ARID1B: variants seen among roughly 807,000 people sequenced by gnomAD.
ARID1B encodes the protein AT-rich interaction domain 1B, also known as AT-rich interactive domain-containing protein 1B.
Under a neutral mutation model 212.3 loss-of-function variants are expected in ARID1B, and 30 were observed. The observed-to-expected ratio is 0.14, with a 90% CI of 0.11 to 0.19. ARID1B has a LOEUF of 0.19. Ranked by LOEUF, ARID1B falls within the 10% of genes least tolerant of loss-of-function variation. The probability of loss-of-function intolerance (pLI) is 1.00; values close to 1 mark genes in which losing one functional copy is unlikely to be tolerated. For synonymous variants in ARID1B, 1,402 were observed against 1,301.7 expected (o/e 1.08, Z -1.66); for missense variants, 2,891 against 3,204.0 (o/e 0.90, Z 2.36).
chr6:156,997,645 T>C (rs1778669752), intron 4 of ARID1B, among the ~76,000 whole-genome samples: 6 of 150,870 alleles, frequency 4.0e-5, no homozygotes, highest in Admixed American at 3.3e-4. Context: ...ATTTAAACAC[T>C]TGCATTTTAA....
At chr6:156,786,492 T>C (rs1779640486) in intron 1 of ARID1B, among the ~76,000 whole-genome samples, 1 of 152,216 alleles carries the variant, frequency 6.6e-6, no homozygotes, top group Admixed American at 6.5e-5. Flanking sequence ...TTGGTTTGTG[T>C]AAGGTATTGG....
chr6:156,799,464 G>A (rs1360329911), intron 1 of ARID1B, among the ~76,000 whole-genome samples: 3 of 152,162 alleles, frequency 2.0e-5, no homozygotes, highest in African/African-American at 7.2e-5. Context: ...TTGCTTGCTT[G>A]CGCATTCACA....
chr6:156,852,967 G>A (rs1039725075), intron 2 of ARID1B, among the ~76,000 whole-genome samples: 2 of 152,206 alleles, frequency 1.3e-5, no homozygotes, highest in Middle Eastern at 3.2e-3. Context: ...AAGTGGAGTA[G>A]CCTGTTATAA....
At chr6:156,899,256 A>T (rs184678987) in intron 2 of ARID1B, among the ~76,000 whole-genome samples, 8 of 152,286 alleles carry the variant, frequency 5.3e-5, no homozygotes, top group African/African-American at 1.9e-4. Flanking sequence ...AATTGGACTT[A>T]GAGTCCATGT....
chr6:157,034,261 C>A (rs1431541384), intron 4 of ARID1B, among the ~76,000 whole-genome samples: 1 of 152,134 alleles, frequency 6.6e-6, no homozygotes, highest in Non-Finnish European at 1.5e-5. Flanking sequence ...CAAAACATTG[C>A]ATTTAATAAA....
At chr6:157,066,738 CA>C (rs1055886817) in intron 4 of ARID1B, among the ~76,000 whole-genome samples, 2 of 151,968 alleles carry the variant, frequency 1.3e-5, no homozygotes, top group Non-Finnish European at 2.9e-5. Context: ...TCCATCAAAG[CA>C]AAAATAATAC....
intron 6 of ARID1B, among the ~76,000 whole-genome samples, chr6:157,120,634 C>A (rs923575558): frequency 6.6e-6 from 1 of 152,136 alleles, no homozygotes; most frequent in African/African-American, 2.4e-5. Context: ...AAGAGAAATG[C>A]CTCTGCCTGT....
chr6:156,777,643 C>G lies in ARID1B; in HGVS notation c.-38C>G, dbSNP rs942107336. On this transcript the variant is annotated 5_prime_UTR_variant, in exon 1 of 20. Coordinates refer to ENST00000636930, the MANE Select transcript of ARID1B (RefSeq NM_001374828.1). Reference sequence around the variant, plus strand: ...CTGAAAAGTGGGGGTTATTGTCTCCCCCCGCCCCCCGCCCGGCCTCGCCAC... The same window carrying G: ...CTGAAAAGTGGGGGTTATTGTCTCCGCCCGCCCCCCGCCCGGCCTCGCCAC... 1 of 149,170 alleles carries G rather than the reference C, an allele frequency of 6.7e-6. No individual in the cohort carries two copies. The highest frequency in any genetic ancestry group is 2.0e-4 in the South Asian group (1 of 4,888). 9.2% of individuals were successfully genotyped at this position (149,170 alleles called of 1,614,324 possible). A position where few individuals can be genotyped will look rare whatever the true frequency, so the allele number is the denominator to read the frequency against.
At chr6:157,029,279 A>C (rs756570662) in intron 4 of ARID1B, among the ~76,000 whole-genome samples, 3 of 152,236 alleles carry the variant, frequency 2.0e-5, no homozygotes, top group Non-Finnish European at 4.4e-5. Context: ...TTATATAGTT[A>C]TATTAGGTAG....
At chr6:157,031,148 A>G (rs919097182) in intron 4 of ARID1B, among the ~76,000 whole-genome samples, 13 of 152,208 alleles carry the variant, frequency 8.5e-5, no homozygotes, top group Admixed American at 1.3e-4. Context: ...ACACGGAACA[A>G]CTTCTTTGTT....
chr6:157,109,703 A>G (rs1786760969), intron 5 of ARID1B, among the ~76,000 whole-genome samples: 3 of 152,214 alleles, frequency 2.0e-5, no homozygotes, highest in Non-Finnish European at 4.4e-5. Flanking sequence ...TTTTATCAGT[A>G]TAGTAAGAAG....
At chr6:156,934,698 T>A (rs745738922) in intron 3 of ARID1B, among the ~76,000 whole-genome samples, 6 of 151,790 alleles carry the variant, frequency 4.0e-5, no homozygotes, top group Non-Finnish European at 8.8e-5. Context: ...TCGTTAGTTA[T>A]TTCAACTTTT....
At chr6:157,149,301 A>C in intron 8 of ARID1B, 1 of 242,300 alleles carries the variant, frequency 4.1e-6, no homozygotes, top group East Asian at 7.2e-5. Flanking sequence ...AGCAGGAAAT[A>C]CGCTTAGGAA....
At chr6:157,036,570 C>T (rs1297604097) in intron 4 of ARID1B, 1 of 296,208 alleles carries the variant, frequency 3.4e-6, no homozygotes, top group Non-Finnish European at 6.7e-6. Flanking sequence ...TGAGGAACTT[C>T]AACCACTACG....
chr6:156,879,934 C>A lies in ARID1B; in HGVS notation c.1987-21442C>A, dbSNP rs186363460. Among the ~76,000 whole-genome samples, 457 of 152,318 alleles carry A rather than the reference C, an allele frequency of 3.0e-3. 1 individual carries two copies. Among genetic ancestry groups the A allele is most frequent in the Non-Finnish European group, 4.6e-3 (313 of 68,036 alleles). On this transcript the variant is annotated intron_variant, in intron 2 of 19. Transcript: ENST00000636930. ...CAAAAACTGCAACAAAATCTCAAAC[C>A]CTTTCTGCAGCAGCAGATGGCAAAC... is the stretch of plus-strand genomic sequence containing the variant.
At chr6:157,024,474 T>C (rs1042623513) in intron 4 of ARID1B, 1 of 151,416 alleles carries the variant, frequency 6.6e-6, no homozygotes, top group African/African-American at 2.4e-5. Flanking sequence ...AAATCTAGCT[T>C]TTCGGGGCTG....
intron 13 of ARID1B, among the ~76,000 whole-genome samples, chr6:157,187,121 C>T (rs1793028410): frequency 1.3e-5 from 2 of 152,104 alleles, no homozygotes; most frequent in Admixed American, 6.5e-5. Flanking sequence ...GTGCCAGTGG[C>T]GATCTTGTTA....
At chr6:157,053,010 A>T (rs1430796414) in intron 4 of ARID1B, among the ~76,000 whole-genome samples, 2 of 150,872 alleles carry the variant, frequency 1.3e-5, no homozygotes, top group Non-Finnish European at 3.0e-5. Flanking sequence ...GAGCCACCAC[A>T]CCCAGCGCTA....
At chr6:156,942,050 A>G (rs1792714846) in intron 4 of ARID1B, 1 of 152,206 alleles carries the variant, frequency 6.6e-6, no homozygotes, top group Non-Finnish European at 1.5e-5. Context: ...TTTTTCATAT[A>G]GTATTCTGAA....
Sources: gnomAD v4.1 joint callset for allele counts (sites outside exome capture counted in the v4.1 genomes callset) on GRCh38, gnomAD v4.1.1 for gene constraint, MANE v1.5 for transcripts, NCBI Gene and HGNC (gene_info 2026-07-23, HGNC 2026-07-21) for gene names.